Variants in SHISA9 observed in about 807,000 individuals in gnomAD.
SHISA9 encodes the protein shisa family member 9.
Under a neutral mutation model 38.0 loss-of-function variants are expected in SHISA9, and 13 were observed. The observed-to-expected ratio is 0.34, with a 90% CI of 0.22 to 0.54. The LOEUF is 0.54. Among genes scored for constraint, SHISA9 ranks in the 20% least tolerant of loss-of-function variants. The pLI, the probability that SHISA9 is intolerant of heterozygous loss-of-function variation, is 0.91. For synonymous variants in SHISA9, 275 were observed against 242.0 expected (o/e 1.14, Z -1.27); for missense variants, 538 against 575.8 (o/e 0.93, Z 0.67).
chr16:13,209,075 CT>C (rs1309861731), intron 3 of SHISA9, among the ~76,000 whole-genome samples: 1 of 152,156 alleles, frequency 6.6e-6, no homozygotes, highest in African/African-American at 2.4e-5. Flanking sequence ...GTTTCTCCTT[CT>C]GTAAAATGGA....
At chr16:12,940,778 AC>A (rs1252506363) in intron 2 of SHISA9, among the ~76,000 whole-genome samples, 1 of 152,102 alleles carries the variant, frequency 6.6e-6, no homozygotes, top group African/African-American at 2.4e-5. Context: ...TAATGGTGTA[AC>A]CTCGGGGGAG....
At chr16:13,093,564 G>C (rs528350245) in intron 2 of SHISA9, among the ~76,000 whole-genome samples, 1 of 152,116 alleles carries the variant, frequency 6.6e-6, no homozygotes, top group African/African-American at 2.4e-5. Flanking sequence ...GGTGGGGGGA[G>C]TGGGGCTGAT....
the SHISA9 span, among the ~76,000 whole-genome samples, chr16:13,508,293 A>G: frequency 6.6e-6 from 1 of 152,254 alleles, no homozygotes; most frequent in Non-Finnish European, 1.5e-5. Flanking sequence ...CATGACTTTT[A>G]ATAGCTGCAT....
intron 2 of SHISA9, among the ~76,000 whole-genome samples, chr16:13,022,890 C>T (rs2072875033): frequency 2.0e-5 from 3 of 152,348 alleles, no homozygotes; most frequent in African/African-American, 7.2e-5. Context: ...ATACCCAGCA[C>T]TCTGCCTTAC....
chr16:13,164,954 C>T (rs2050623736), intron 2 of SHISA9, among the ~76,000 whole-genome samples: 1 of 152,130 alleles, frequency 6.6e-6, no homozygotes, highest in African/African-American at 2.4e-5. Context: ...AAATCTGCTA[C>T]TATTCTCATC....
chr16:13,132,552 TC>T (rs2050315200), intron 2 of SHISA9, among the ~76,000 whole-genome samples: 1 of 152,068 alleles, frequency 6.6e-6, no homozygotes, highest in South Asian at 2.1e-4. Context: ...GGCATCCACT[TC>T]CCCCATCTGT....
the SHISA9 span, among the ~76,000 whole-genome samples, chr16:13,305,021 C>T: frequency 6.6e-6 from 1 of 152,186 alleles, no homozygotes; most frequent in Non-Finnish European, 1.5e-5. Context: ...ATCCAAAATG[C>T]TTGGGACCAG....
chr16:13,539,183 G>A, the SHISA9 span, among the ~76,000 whole-genome samples: 1 of 150,912 alleles, frequency 6.6e-6, no homozygotes, highest in Non-Finnish European at 1.5e-5. Context: ...AGGCTGGAGT[G>A]CAGTGGCATG....
At chr16:13,180,031 T>G (rs1284511996) in intron 2 of SHISA9, among the ~76,000 whole-genome samples, 1 of 152,202 alleles carries the variant, frequency 6.6e-6, no homozygotes, top group Non-Finnish European at 1.5e-5. Flanking sequence ...GTGAGGCAAA[T>G]GACCTCTGGC....
intron 2 of SHISA9, among the ~76,000 whole-genome samples, chr16:12,917,088 A>G (rs1350638876): frequency 6.6e-6 from 1 of 152,184 alleles, no homozygotes; most frequent in Non-Finnish European, 1.5e-5. Context: ...TGATTGATTT[A>G]TTAACTAGAT....
At chr16:13,469,239 C>A in the SHISA9 span, among the ~76,000 whole-genome samples, 4 of 133,656 alleles carry the variant, frequency 3.0e-5, no homozygotes, top group Admixed American at 2.3e-4. Flanking sequence ...AAGACTCTGC[C>A]AAGAAAAAAA....
chr16:13,203,237 C>T (rs1422650041), intron 2 of SHISA9, 157 bp from the exon 3 acceptor site: 2 of 563,208 alleles, frequency 3.6e-6, no homozygotes, highest in Admixed American at 3.8e-5. Context: ...ACTATGAACT[C>T]AATTGTGTCC....
chr16:13,360,535 C>T, the SHISA9 span, among the ~76,000 whole-genome samples: 1 of 152,152 alleles, frequency 6.6e-6, no homozygotes, highest in Non-Finnish European at 1.5e-5. Context: ...TTCTTCCTGC[C>T]ACCATGCAAA....
chr16:13,201,873 A>T (rs1233632624), intron 2 of SHISA9, among the ~76,000 whole-genome samples: 1 of 114,562 alleles, frequency 8.7e-6, no homozygotes, highest in African/African-American at 3.7e-5. Flanking sequence ...AGCTGTTAGC[A>T]GCCAACATTT....
chr16:13,147,163 T>C (rs995303809), intron 2 of SHISA9, among the ~76,000 whole-genome samples: 21 of 152,162 alleles, frequency 1.4e-4, no homozygotes, highest in Non-Finnish European at 2.4e-4. Context: ...AGTCAGTAAA[T>C]GGGTGAGCCT....
intron 2 of SHISA9, among the ~76,000 whole-genome samples, chr16:13,124,147 T>C (rs1434923593): frequency 1.3e-5 from 2 of 152,162 alleles, no homozygotes; most frequent in African/African-American, 2.4e-5. Context: ...ATAGAAACTG[T>C]GTTCCTAATT....
chr16:12,910,113 T>G (rs1287253588), intron 1 of SHISA9: 1 of 152,292 alleles, frequency 6.6e-6, no homozygotes, highest in African/African-American at 2.4e-5. Flanking sequence ...TGTCTCGGCC[T>G]CCCAAAGTGC....
At chr16:13,170,358 C>G (rs1271379131) in intron 2 of SHISA9, among the ~76,000 whole-genome samples, 3 of 152,148 alleles carry the variant, frequency 2.0e-5, no homozygotes, top group Admixed American at 2.0e-4. Flanking sequence ...GATCCCTGAA[C>G]TCAGGGGCTT....
intron 2 of SHISA9, among the ~76,000 whole-genome samples, chr16:12,975,659 G>GC (rs1208070763): frequency 6.7e-6 from 1 of 148,522 alleles, no homozygotes; most frequent in East Asian, 2.0e-4. Flanking sequence ...ACGGGGGCGG[G>GC]GGGGGTAAGG....
Sources: gnomAD v4.1 joint callset for allele counts (sites outside exome capture counted in the v4.1 genomes callset) on GRCh38, gnomAD v4.1.1 for gene constraint, MANE v1.5 for transcripts, NCBI Gene and HGNC (gene_info 2026-07-23, HGNC 2026-07-21) for gene names.